KCNC2: variants seen among roughly 807,000 people sequenced by gnomAD.
The protein encoded by KCNC2 is potassium voltage-gated channel subfamily C member 2, also known as voltage-gated potassium channel KCNC2.
A neutral mutation model predicts 44.5 loss-of-function variants in KCNC2; 21 were observed. That is an observed-to-expected ratio of 0.47 (90% CI 0.33 to 0.68). The LOEUF is 0.68. Ranked by LOEUF, KCNC2 falls within the 30% of genes least tolerant of loss-of-function variation. KCNC2 has a pLI of 0.01. For synonymous variants in KCNC2, 391 were observed against 339.1 expected, an observed-to-expected ratio of 1.15 and a Z score of -1.68; for missense variants, 589 against 826.2, an observed-to-expected ratio of 0.71 and a Z score of 3.52.
At chr12:75,119,894 A>G (rs939314232) in intron 2 of KCNC2, among the ~76,000 whole-genome samples, 30 of 152,240 alleles carry the variant, frequency 2.0e-4, no homozygotes, top group Non-Finnish European at 5.9e-5. Context: ...TGACCCTTTC[A>G]ACTGAATAAA....
At chr12:75,117,576 A>AT (rs1887760362) in intron 2 of KCNC2, among the ~76,000 whole-genome samples, 1 of 152,310 alleles carries the variant, frequency 6.6e-6, no homozygotes, top group East Asian at 1.9e-4. Flanking sequence ...TATTCAGGGA[A>AT]TTTTTTAAGA....
Position 75,052,560 on chromosome 12 carries a change from A to G in KCNC2, c.688-1243T>C, listed in dbSNP as rs371035946. 2.8e-4 allele frequency among the ~76,000 whole-genome samples: 43 copies of G among 152,208 alleles called. 1 individual carries two copies. In the South Asian group the frequency reaches 8.7e-3, roughly 31 times the overall value. On this transcript the variant is annotated intron_variant, in intron 2 of 4. Transcript: ENST00000549446. ...AATAGGTTCTTCCTTAAATGTCTAA[A>G]CAAAAGAGTCATTCAGGAGAAGGAA...
chr12:75,043,257 G>A lies in KCNC2; in HGVS notation c.1781-16C>T, dbSNP rs1301523097. On this transcript the variant is annotated splice_polypyrimidine_tract_variant and intron_variant, in intron 4 of 4. Transcript: ENST00000549446. ...TTTTCATATCCTTTTATGAAAAAAT[G>A]CACAGACATCAGTTGAATTCAACCA... 1 of 1,611,036 alleles carries A rather than the reference G, an allele frequency of 6.2e-7. No individual in the cohort carries two copies. Among genetic ancestry groups the A allele is most frequent in the Admixed American group, 1.7e-5 (1 of 59,748 alleles).
chr12:75,133,724 A>G (rs1399628853), intron 2 of KCNC2, among the ~76,000 whole-genome samples: 1 of 152,052 alleles, frequency 6.6e-6, no homozygotes, highest in Non-Finnish European at 1.5e-5. Flanking sequence ...ATAAAAATAG[A>G]GAATCTAGGC....
At chr12:75,155,968 T>C (rs1172401327) in intron 2 of KCNC2, among the ~76,000 whole-genome samples, 1 of 151,938 alleles carries the variant, frequency 6.6e-6, no homozygotes, top group East Asian at 2.0e-4. Flanking sequence ...GACAAGTACC[T>C]ACAATGAGGC....
chr12:75,090,554 C>T (rs1473390746), intron 2 of KCNC2, among the ~76,000 whole-genome samples: 2 of 151,642 alleles, frequency 1.3e-5, no homozygotes, highest in African/African-American at 4.8e-5. Context: ...TTTACCCCTG[C>T]CACCAGTGAC....
intron 2 of KCNC2, among the ~76,000 whole-genome samples, chr12:75,083,147 AT>A (rs1884662008): frequency 6.6e-6 from 1 of 151,484 alleles, no homozygotes; most frequent in African/African-American, 2.4e-5. Flanking sequence ...AATATTTAAT[AT>A]TTTGTTAAAA....
chr12:75,173,760 G>C (rs1235831275), intron 2 of KCNC2, among the ~76,000 whole-genome samples: 1 of 151,766 alleles, frequency 6.6e-6, no homozygotes, highest in Non-Finnish European at 1.5e-5. Context: ...GAATCAGGAT[G>C]CAAAAAAATT....
At chr12:75,058,258 T>G (rs1048802831) in intron 2 of KCNC2, among the ~76,000 whole-genome samples, 1 of 151,894 alleles carries the variant, frequency 6.6e-6, no homozygotes, top group African/African-American at 2.4e-5. Context: ...GGACAATATA[T>G]AGCAATTTCA....
intron 2 of KCNC2, among the ~76,000 whole-genome samples, chr12:75,103,809 CAAT>C (rs1394184203): frequency 2.0e-5 from 3 of 152,044 alleles, no homozygotes; most frequent in African/African-American, 2.4e-5. Flanking sequence ...AGATTAACAA[CAAT>C]AATAACAAAA....
At chr12:75,150,725 A>T (rs888088628) in intron 2 of KCNC2, among the ~76,000 whole-genome samples, 2 of 151,932 alleles carry the variant, frequency 1.3e-5, no homozygotes, top group African/African-American at 4.8e-5. Flanking sequence ...AAGATTTTAT[A>T]GTTACATTTA....
Position 75,043,031 on chromosome 12 carries a change from A to G in KCNC2, c.*74T>C. 1 of 1,583,856 alleles carries G rather than the reference A, an allele frequency of 6.3e-7. No individual in the cohort carries two copies. The highest frequency in any genetic ancestry group is 8.6e-7 in the Non-Finnish European group (1 of 1,165,174). ...GGAGCCTGGAGTAACTCTACATTTA[A>G]TTATTTCCATTATGGGGTAAACAGC... On this transcript the variant is annotated 3_prime_UTR_variant, in exon 5 of 5. Coordinates refer to ENST00000549446, the MANE Select transcript of KCNC2 (RefSeq NM_139137.4).
At chr12:75,182,422 C>G (rs995065193) in intron 2 of KCNC2, among the ~76,000 whole-genome samples, 7 of 149,268 alleles carry the variant, frequency 4.7e-5, no homozygotes, top group African/African-American at 1.5e-4. Context: ...ACTTGGGAGG[C>G]TGAGGCAGGA....
intron 2 of KCNC2, among the ~76,000 whole-genome samples, chr12:75,082,536 T>TG (rs1238228845): frequency 1.3e-5 from 2 of 151,428 alleles, no homozygotes; most frequent in African/African-American, 4.8e-5. Flanking sequence ...TTTTTTTTTT[T>TG]TTTTGCCTAC....
At chr12:75,103,319 G>A (rs1175865399) in intron 2 of KCNC2, among the ~76,000 whole-genome samples, 1 of 152,168 alleles carries the variant, frequency 6.6e-6, no homozygotes, top group Non-Finnish European at 1.5e-5. Flanking sequence ...GAATTGTTAA[G>A]GAGAACCTAT....
At chr12:75,071,354 G>T (rs952648831) in intron 2 of KCNC2, among the ~76,000 whole-genome samples, 1 of 151,958 alleles carries the variant, frequency 6.6e-6, no homozygotes, top group African/African-American at 2.4e-5. Context: ...CCAGCTTCAC[G>T]AATAAAGGGG....
At chr12:75,147,272 T>C (rs945472520) in intron 2 of KCNC2, among the ~76,000 whole-genome samples, 1 of 152,114 alleles carries the variant, frequency 6.6e-6, no homozygotes, top group African/African-American at 2.4e-5. Flanking sequence ...TTATAAAAAA[T>C]GACCCAAATA....
At chr12:75,069,875 G>T (rs543099903) in intron 2 of KCNC2, among the ~76,000 whole-genome samples, 1 of 152,258 alleles carries the variant, frequency 6.6e-6, no homozygotes, top group South Asian at 2.1e-4. Context: ...TTGAGTCTCA[G>T]AGGGTCAACT....
intron 2 of KCNC2, among the ~76,000 whole-genome samples, chr12:75,125,665 C>T (rs1888367414): frequency 6.6e-6 from 1 of 152,172 alleles, no homozygotes; most frequent in Non-Finnish European, 1.5e-5. Context: ...AGGTAATTAG[C>T]TAGCACTATT....
Sources: allele counts gnomAD v4.1 joint callset (sites outside exome capture counted in the v4.1 genomes callset), GRCh38; gene constraint gnomAD v4.1.1; transcripts MANE v1.5; gene names NCBI Gene and HGNC (gene_info 2026-07-23, HGNC 2026-07-21).